The following TNIK variants were observed in gnomAD, a reference collection of about 807,000 sequenced individuals.
TNIK encodes the protein TRAF2 and NCK interacting kinase.
TNIK carries 49 observed loss-of-function variants against 191.3 expected under a neutral mutation model. The ratio of observed to expected loss-of-function variants is 0.26; its 90% CI spans 0.20 to 0.32. The LOEUF (loss-of-function observed/expected upper bound fraction) is 0.32. Ranked by LOEUF, TNIK falls within the 10% of genes least tolerant of loss-of-function variation. The probability of loss-of-function intolerance (pLI) is 1.00; values close to 1 mark genes in which losing one functional copy is unlikely to be tolerated. For missense variants in TNIK, 1,155 were observed against 1,702.3 expected (o/e 0.68, Z 5.66); for synonymous variants, 594 against 600.9 (o/e 0.99, Z 0.17).
intron 18 of TNIK, among the ~76,000 whole-genome samples, chr3:171,114,017 A>T: frequency 7.4e-6 from 1 of 136,036 alleles, no homozygotes; most frequent in Non-Finnish European, 1.6e-5. Context: ...AAAAAAAAAA[A>T]GCAGCATTCT....
At chr3:171,446,352 T>A (rs1262360633) in intron 1 of TNIK, among the ~76,000 whole-genome samples, 1 of 152,188 alleles carries the variant, frequency 6.6e-6, no homozygotes, top group Non-Finnish European at 1.5e-5. Flanking sequence ...CTGCTATCAT[T>A]TGATTACAGG....
chr3:171,165,125 T>A (rs1367572697), intron 10 of TNIK, among the ~76,000 whole-genome samples: 2 of 151,400 alleles, frequency 1.3e-5, no homozygotes, highest in Non-Finnish European at 2.9e-5. Flanking sequence ...TCGTCTCTAC[T>A]AAAAATCTAA....
chr3:171,314,437 A>C (rs1455277227), intron 2 of TNIK, among the ~76,000 whole-genome samples: 1 of 152,180 alleles, frequency 6.6e-6, no homozygotes, highest in Non-Finnish European at 1.5e-5. Flanking sequence ...TGGCTGATCC[A>C]GAGGTTCTCC....
chr3:171,236,294 G>A (rs772462711), intron 2 of TNIK, among the ~76,000 whole-genome samples: 10 of 152,170 alleles, frequency 6.6e-5, no homozygotes, highest in Non-Finnish European at 1.3e-4. Context: ...CTACTTCCGC[G>A]TGTCAGAAGC....
chr3:171,425,825 CAAAAA>C (rs34978608), intron 1 of TNIK, among the ~76,000 whole-genome samples: 5 of 123,838 alleles, frequency 4.0e-5, no homozygotes, highest in Non-Finnish European at 5.1e-5. Context: ...GAGACTCTGT[CAAAAA>C]AAAAAAAAAA....
intron 3 of TNIK, among the ~76,000 whole-genome samples, chr3:171,215,707 T>C (rs923445978): frequency 6.6e-6 from 1 of 151,496 alleles, no homozygotes; most frequent in Non-Finnish European, 1.5e-5. Flanking sequence ...TATTTGCTTA[T>C]GATTGATTTC....
At chr3:171,217,549 T>C (rs1172156900) in intron 3 of TNIK, among the ~76,000 whole-genome samples, 1 of 151,512 alleles carries the variant, frequency 6.6e-6, no homozygotes, top group Non-Finnish European at 1.5e-5. Context: ...AAATAACAGT[T>C]GCAAAAAAAA....
chr3:171,437,079 G>T (rs1168493263), intron 1 of TNIK, among the ~76,000 whole-genome samples: 1 of 152,138 alleles, frequency 6.6e-6, no homozygotes, highest in Non-Finnish European at 1.5e-5. Flanking sequence ...TAGCTGGAAT[G>T]TCTACTCATT....
intron 21 of TNIK, among the ~76,000 whole-genome samples, chr3:171,103,808 GGTTT>G (rs765812677): frequency 6.6e-6 from 1 of 151,848 alleles, no homozygotes; most frequent in Non-Finnish European, 1.5e-5. Context: ...TTTCCCCAGA[GGTTT>G]ATTTTCCTTT....
chr3:171,084,401 G>T, intron 25 of TNIK, 76 bp from the exon 26 acceptor site: 1 of 1,480,694 alleles, frequency 6.8e-7, no homozygotes, highest in Non-Finnish European at 9.2e-7. Flanking sequence ...AAAACACTAT[G>T]ATTTCTCCTT....
intron 10 of TNIK, among the ~76,000 whole-genome samples, chr3:171,163,072 C>T (rs1326289532): frequency 6.6e-6 from 1 of 152,162 alleles, no homozygotes; most frequent in Non-Finnish European, 1.5e-5. Context: ...AACATATCCA[C>T]ATGAGTAAGG....
At position 171,237,646 on chromosome 3, in the gene TNIK, G is replaced by A. The variant is rs188391758; in HGVS notation, c.124-9425C>T. 1.5e-3 allele frequency among the ~76,000 whole-genome samples: 221 copies of A among 152,262 alleles called. 1 individual carries two copies. The highest frequency in any genetic ancestry group is 2.9e-3 in the South Asian group (14 of 4,818). ...TATACCTAAAACATATATAGGCTGA[G>A]TGTGGTGGCTCATGCCTATAATTCT... On this transcript the variant is annotated intron_variant, in intron 2 of 32. Transcript: ENST00000436636.
chr3:171,332,090 A>G (rs577688768), intron 2 of TNIK, among the ~76,000 whole-genome samples: 1 of 152,212 alleles, frequency 6.6e-6, no homozygotes, highest in Non-Finnish European at 1.5e-5. Context: ...GGAAAAGTAT[A>G]GAGAAGACGG....
At chr3:171,183,750 G>GTC (rs1736986824) in intron 7 of TNIK, among the ~76,000 whole-genome samples, 1 of 151,730 alleles carries the variant, frequency 6.6e-6, no homozygotes, top group Non-Finnish European at 1.5e-5. Context: ...GTGAAACCCT[G>GTC]TCTCTACTAA....
At chr3:171,107,067 A>G in intron 21 of TNIK, 116 bp downstream of exon 21, 1 of 1,119,978 alleles carries the variant, frequency 8.9e-7, no homozygotes, top group Non-Finnish European at 1.3e-6. Flanking sequence ...GCAGATTGCT[A>G]CAAATCTCCT....
chr3:171,436,762 C>T (rs1726079419), intron 1 of TNIK, among the ~76,000 whole-genome samples: 2 of 152,182 alleles, frequency 1.3e-5, no homozygotes, highest in Non-Finnish European at 2.9e-5. Context: ...CCTAACCAGA[C>T]ACTAGAGGCT....
intron 1 of TNIK, among the ~76,000 whole-genome samples, chr3:171,412,396 T>C (rs1027465652): frequency 7.9e-5 from 12 of 152,220 alleles, no homozygotes; most frequent in African/African-American, 2.7e-4. Flanking sequence ...TTCAAAGATG[T>C]TCCTCCTTTC....
At chr3:171,340,813 A>G (rs1042791682) in intron 2 of TNIK, among the ~76,000 whole-genome samples, 6 of 152,150 alleles carry the variant, frequency 3.9e-5, no homozygotes, top group African/African-American at 7.2e-5. Flanking sequence ...AGGCAGTCCA[A>G]TTGAAACAAT....
intron 1 of TNIK, among the ~76,000 whole-genome samples, chr3:171,396,119 C>A (rs548020095): frequency 6.6e-6 from 1 of 151,776 alleles, no homozygotes; most frequent in Non-Finnish European, 1.5e-5. Flanking sequence ...CTCCCACCCA[C>A]TGCCCCCCCA....
Sources: allele counts gnomAD v4.1 joint callset (sites outside exome capture counted in the v4.1 genomes callset), GRCh38; gene constraint gnomAD v4.1.1; transcripts MANE v1.5; gene names NCBI Gene and HGNC (gene_info 2026-07-23, HGNC 2026-07-21).